Variants in LRP12 observed in about 807,000 individuals in gnomAD.
The protein encoded by LRP12 is low-density lipoprotein receptor-related protein 12.
A neutral mutation model predicts 66.0 loss-of-function variants in LRP12; 14 were observed. That is an observed-to-expected ratio of 0.21 (90% CI 0.14 to 0.33). The LOEUF (loss-of-function observed/expected upper bound fraction) is 0.33, where lower values mean the gene tolerates loss of function less well. Among genes scored for constraint, LRP12 ranks in the 10% least tolerant of loss-of-function variants. The pLI, the probability that LRP12 is intolerant of heterozygous loss-of-function variation, is 1.00. For missense variants in LRP12, 889 were observed against 1,053.4 expected (o/e 0.84, Z 2.16); for synonymous variants, 357 against 359.1 (o/e 0.99, Z 0.07).
intron 1 of LRP12, among the ~76,000 whole-genome samples, chr8:104,540,992 A>G (rs1489317575): frequency 6.6e-6 from 1 of 152,240 alleles, no homozygotes; most frequent in East Asian, 1.9e-4. Flanking sequence ...TCAGCCTCCC[A>G]AAGTCCTGGG....
At chr8:104,516,366 A>C (rs1811072335) in intron 2 of LRP12, among the ~76,000 whole-genome samples, 1 of 152,160 alleles carries the variant, frequency 6.6e-6, no homozygotes, top group Non-Finnish European at 1.5e-5. Context: ...AAAAAAAGGC[A>C]ATGACATTAT....
In LRP12 at chr8:104,497,500, C is replaced by G. The variant is rs779228144; in HGVS notation, c.1052G>C (p.Arg351Thr). 4 of 1,613,986 alleles carry G rather than the reference C, an allele frequency of 2.5e-6. No homozygotes were observed. The highest frequency in any genetic ancestry group is 3.4e-6 in the Non-Finnish European group (4 of 1,180,012). The change falls in exon 5 of 7, where the codon AGG becomes ACG. Residue 351 changes from arginine (R) to threonine (T), a missense_variant. Physicochemically the swap from Arg to Thr is moderately conservative, Grantham distance 71 (BLOSUM62 -1). This residue lies in a region of LRP12 where 800 missense variants were observed against 964.5 expected (regional missense o/e 0.83). Coordinates refer to ENST00000276654, the MANE Select transcript of LRP12 (RefSeq NM_013437.5). The surrounding 1 kb of genome is among the most constrained non-coding windows in gnomAD (Gnocchi z 4.3). ...CACTTTATCAGCACAAAAATGTACC[C>G]TTATCTGTCCAGAAGAAGAAACAAC... The part of the protein sequence containing the change: ...LTVVSSSGQI[R>T]VHFCADKVNA...
rs548846399 is a variant in LRP12 at position 104,588,964 on chromosome 8, A to ACGACGACGCCGCCGCCGC, written c.-68_-67insGCGGCGGCGGCGTCGTCG. 2 of 899,786 alleles carry ACGACGACGCCGCCGCCGC rather than the reference A, an allele frequency of 2.2e-6. No individual in the cohort carries two copies. The highest frequency in any genetic ancestry group is 5.5e-5 in the African/African-American group (2 of 36,274). The allele number at this position is 899,786 out of a possible 1,614,324, so 55.7% of individuals were successfully genotyped here. ...AGGGAGGAGAAGCTGGAGGTAGACG[A>ACGACGACGCCGCCGCCGC]CGCCGACGCCGCCGCCGCCGCCGCC... On this transcript the variant is annotated 5_prime_UTR_variant, in exon 1 of 7. Transcript: ENST00000276654.
intron 2 of LRP12, among the ~76,000 whole-genome samples, chr8:104,525,609 T>C (rs986780804): frequency 2.6e-5 from 4 of 151,946 alleles, no homozygotes; most frequent in African/African-American, 9.7e-5. Context: ...CCAGATATTT[T>C]AACTAGGCTT....
chr8:104,523,923 A>C (rs994612328), intron 2 of LRP12, among the ~76,000 whole-genome samples: 3 of 151,952 alleles, frequency 2.0e-5, no homozygotes, highest in African/African-American at 7.3e-5. Flanking sequence ...TCTTAATAAC[A>C]TTTTCTTTTC....
chr8:104,523,581 A>G (rs1482206528), intron 2 of LRP12, among the ~76,000 whole-genome samples: 2 of 152,178 alleles, frequency 1.3e-5, no homozygotes, highest in Non-Finnish European at 2.9e-5. Flanking sequence ...AGCAGTTGTT[A>G]TCTCCAGTAA....
At chr8:104,508,888 G>T in intron 3 of LRP12, 51 bp downstream of exon 3, 2 of 1,471,132 alleles carry the variant, frequency 1.4e-6, no homozygotes, top group Non-Finnish European at 1.8e-6. Flanking sequence ...AATGAAAATG[G>T]AATTTATGTT....
At position 104,493,627 on chromosome 8, in the gene LRP12, T is replaced by C. The variant is rs569076766; in HGVS notation, c.1713+1450A>G. Among the ~76,000 whole-genome samples the C allele has an allele frequency of 1.4e-4, 21 of 152,302 alleles. No individual in the cohort carries two copies. The South Asian group carries it at 1.7e-3, about 12-fold the overall frequency. On this transcript the variant is annotated intron_variant, in intron 6 of 6. Transcript: ENST00000276654. ...GCTCTGAACCACACCAACAGTGTCA[T>C]GTAGGGTGAGGGCTTTGGGTCAGTC...
intron 1 of LRP12, among the ~76,000 whole-genome samples, chr8:104,564,457 T>G (rs1811962892): frequency 6.6e-6 from 1 of 152,038 alleles, no homozygotes; most frequent in East Asian, 1.9e-4. Flanking sequence ...TGTACAAAAT[T>G]TTCTGTGAAT....
At position 104,490,787 on chromosome 8, in the gene LRP12, T is replaced by G; in HGVS notation, c.2466A>C (p.Arg822=). ...ATNPGVRPSN[R]DGPCERCGIV... Reference sequence around the variant, plus strand: ...TACCACAGCGCTCACAGGGGCCATCTCGATTACTTGGCCTTACTCCAGGAT... The same window carrying G: ...TACCACAGCGCTCACAGGGGCCATCGCGATTACTTGGCCTTACTCCAGGAT... Residue 822 remains arginine (R), a synonymous_variant, in exon 7 of 7, where the codon CGA becomes CGC. Coordinates refer to ENST00000276654, the MANE Select transcript of LRP12 (RefSeq NM_013437.5). 2 of 1,614,158 alleles carry G rather than the reference T, an allele frequency of 1.2e-6. No homozygotes were observed. Among genetic ancestry groups the G allele is most frequent in the Non-Finnish European group, 1.7e-6 (2 of 1,180,020 alleles).
chr8:104,523,879 T>C (rs1811187571), intron 2 of LRP12, among the ~76,000 whole-genome samples: 1 of 152,176 alleles, frequency 6.6e-6, no homozygotes, highest in Non-Finnish European at 1.5e-5. Flanking sequence ...ATAAATACAG[T>C]AGCATACTGT....
chr8:104,557,886 G>C (rs1811836931), intron 1 of LRP12, among the ~76,000 whole-genome samples: 1 of 152,170 alleles, frequency 6.6e-6, no homozygotes, highest in Non-Finnish European at 1.5e-5. Flanking sequence ...TAAGGCTACA[G>C]TCACCAAAAC....
chr8:104,557,068 A>G (rs777320603), intron 1 of LRP12, among the ~76,000 whole-genome samples: 1 of 152,360 alleles, frequency 6.6e-6, no homozygotes, highest in South Asian at 2.1e-4. Context: ...GCATCCCTTT[A>G]TAATTAAAAC....
chr8:104,566,951 G>A (rs924818483), intron 1 of LRP12, among the ~76,000 whole-genome samples: 1 of 151,562 alleles, frequency 6.6e-6, no homozygotes, highest in South Asian at 2.1e-4. Context: ...AAAGCAAAAT[G>A]TAAATATATA....
intron 3 of LRP12, among the ~76,000 whole-genome samples, chr8:104,503,687 TA>T (rs1810865829): frequency 6.6e-6 from 1 of 152,200 alleles, no homozygotes; most frequent in South Asian, 2.1e-4. Context: ...CAAAGCTCTG[TA>T]CACAGTACTT....
intron 1 of LRP12, among the ~76,000 whole-genome samples, chr8:104,586,123 C>G (rs923177545): frequency 1.3e-5 from 2 of 152,144 alleles, no homozygotes; most frequent in African/African-American, 2.4e-5. Context: ...ACAGTAGCCC[C>G]TGAAAGATAA....
At chr8:104,544,665 A>G (rs922752471) in intron 1 of LRP12, among the ~76,000 whole-genome samples, 2 of 152,202 alleles carry the variant, frequency 1.3e-5, no homozygotes, top group African/African-American at 4.8e-5. Context: ...GTGACAGCAC[A>G]TTGTAAACAT....
chr8:104,525,832 G>A (rs1045212194), intron 2 of LRP12, among the ~76,000 whole-genome samples: 1 of 151,988 alleles, frequency 6.6e-6, no homozygotes, highest in African/African-American at 2.4e-5. Context: ...TTCTGGCCAG[G>A]GCAATTAGGC....
rs567723534 is a variant in LRP12, at chr8:104,560,428, G to A, written c.79+28391C>T. On this transcript the variant is annotated intron_variant, in intron 1 of 6. Transcript: ENST00000276654. ...GTGCTTACATTGACAAAGAAACCAAGGAATTAGGGCATTTAAAAGAGAGGT... is the reference window on the plus strand; with the variant it reads ...GTGCTTACATTGACAAAGAAACCAAAGAATTAGGGCATTTAAAAGAGAGGT... Among the ~76,000 whole-genome samples, 9 of 152,150 alleles carry A rather than the reference G, an allele frequency of 5.9e-5. No individual in the cohort carries two copies. The East Asian group carries it at 9.7e-4, about 16-fold the overall frequency.
Sources: gnomAD v4.1 joint callset for allele counts (sites outside exome capture counted in the v4.1 genomes callset) on GRCh38, gnomAD v4.1.1 for gene constraint, gnomAD v4.1.1 regional missense constraint, Gnocchi (gnomAD v3.1) non-coding constraint, MANE v1.5 for transcripts, NCBI Gene and HGNC (gene_info 2026-07-23, HGNC 2026-07-21) for gene names.